The following KMT2B variants were observed in gnomAD, a reference collection of about 807,000 sequenced individuals.
KMT2B encodes lysine methyltransferase 2B.
Under a neutral mutation model 255.3 loss-of-function variants are expected in KMT2B, and 22 were observed. The observed-to-expected ratio is 0.09, with a 90% CI of 0.06 to 0.12. The LOEUF is 0.12. KMT2B is among the 10% of genes least tolerant of loss of function. The pLI, the probability that KMT2B is intolerant of heterozygous loss-of-function variation, is 1.00. For missense variants in KMT2B, 3,149 were observed against 3,737.0 expected (o/e 0.84, Z 4.10); for synonymous variants, 1,730 against 1,498.1 (o/e 1.15, Z -3.57).
chr19:35,720,834 C>G lies in KMT2B; in HGVS notation c.1487C>G (p.Thr496Ser), dbSNP rs1231872676. The G allele has an allele frequency of 6.4e-7, 1 of 1,551,980 alleles. No individual in the cohort carries two copies. The highest frequency in any genetic ancestry group is 1.9e-5 in the Admixed American group (1 of 53,002). The change falls in exon 3 of 37, where the codon ACT (threonine) becomes AGT (serine). Residue 496 changes from threonine to serine, a missense_variant. Around this residue, in one of 18 missense-constraint regions of KMT2B, gnomAD observed 1,188 missense variants for 1,106.4 expected, o/e 1.07. Coordinates refer to ENST00000420124, the MANE Select transcript of KMT2B (RefSeq NM_014727.3). ...RAGPEGTSPP[T>S]PTPSTATGGP... is the part of the protein sequence containing the mutation. Reference sequence around the variant, plus strand: ...GGGCCAGAGGGCACCTCTCCTCCCACTCCAACCCCCAGCACCGCCACGGGA... The same window carrying G: ...GGGCCAGAGGGCACCTCTCCTCCCAGTCCAACCCCCAGCACCGCCACGGGA...
At position 35,733,517 on chromosome 19, in the gene KMT2B, G is replaced by A. The variant is rs770628562; in HGVS notation, c.6959+9G>A. On this transcript the variant is annotated intron_variant, in intron 28 of 36. Coordinates refer to ENST00000420124, the MANE Select transcript of KMT2B (RefSeq NM_014727.3). The surrounding 1 kb of genome is among the most constrained non-coding windows in gnomAD (Gnocchi z 4.3). ...GGGCTTGGCAGTGGCGGGTGAGTGC[G>A]GGTGCTGAGGCTGGCAGAGCAGGCA... The A allele has an allele frequency of 1.0e-4, 163 of 1,553,134 alleles. No individual in the cohort carries two copies. The highest frequency in any genetic ancestry group is 1.4e-4 in the Non-Finnish European group (157 of 1,148,498).
chr19:35,730,514 C>T (rs1599690385), intron 24 of KMT2B, 24 bp from the exon 25 acceptor site: 1 of 1,614,046 alleles, frequency 6.2e-7, no homozygotes, highest in Non-Finnish European at 8.5e-7. Flanking sequence ...GCCTGCCTCT[C>T]CTGACCTCCG....
At position 35,721,611 on chromosome 19, in the gene KMT2B, CACCACA is replaced by C; in HGVS notation, c.2265_2270del (p.Pro758_Gln759del). On this transcript the variant is annotated inframe_deletion, in exon 3 of 37. Coordinates refer to ENST00000420124, the MANE Select transcript of KMT2B (RefSeq NM_014727.3). Reference sequence around the variant, plus strand: ...CAGCTCCTGCCCCAGGCACTACCGCCACCACAGCCACAGCTGCAGCCACCGCCGTCA... The same window carrying C: ...CAGCTCCTGCCCCAGGCACTACCGCCGCCACAGCTGCAGCCACCGCCGTCA... 6.2e-7 allele frequency: 1 copy of C among 1,608,928 alleles called. No homozygotes were observed. Among genetic ancestry groups the C allele is most frequent in the South Asian group, 1.1e-5 (1 of 91,050 alleles).
chr19:35,722,526 G>T (rs375266669), intron 4 of KMT2B, 42 bp from the exon 5 acceptor site: 2 of 1,592,086 alleles, frequency 1.3e-6, no homozygotes, highest in Non-Finnish European at 1.7e-6. Flanking sequence ...GTGGGGCTGC[G>T]GGAGCGCAAG....
rs1354324256 is a variant in KMT2B, at chr19:35,721,000, C to T, written c.1653C>T (p.Pro551=). 2 of 1,610,254 alleles carry T rather than the reference C, an allele frequency of 1.2e-6. No individual in the cohort carries two copies. Among genetic ancestry groups the T allele is most frequent in the Non-Finnish European group, 1.7e-6 (2 of 1,178,628 alleles). Residue 551 remains proline, a synonymous_variant, in exon 3 of 37, where the codon CCC becomes CCT. Transcript: ENST00000420124. ...KTPRRFMDED[P]PKPPKVEVSP... ...CCCGGCGATTTATGGATGAAGACCCCCCCAAACCCCCAAAGGTGGAGGTCT... is the reference window on the plus strand; with the variant it reads ...CCCGGCGATTTATGGATGAAGACCCTCCCAAACCCCCAAAGGTGGAGGTCT...
chr19:35,732,785 G>C lies in KMT2B; in HGVS notation c.6236G>C (p.Arg2079Pro). The change falls in exon 28 of 37, where the codon CGG becomes CCG. Residue 2079 changes from arginine (R) to proline (P), a missense_variant. Coordinates refer to ENST00000420124, the MANE Select transcript of KMT2B (RefSeq NM_014727.3). Reference sequence around the variant, plus strand: ...GAGGCTGAGGCGGTGCAGCAGCCTCGGGGCCAGGGCACGCCTCCTTCGGGG... The same window carrying C: ...GAGGCTGAGGCGGTGCAGCAGCCTCCGGGCCAGGGCACGCCTCCTTCGGGG... ...DSEAEAVQQP[R>P]GQGTPPSGPG... 6.2e-7 allele frequency: 1 copy of C among 1,607,446 alleles called. No homozygotes were observed. The highest frequency in any genetic ancestry group is 8.5e-7 in the Non-Finnish European group (1 of 1,177,696).
rs1389952141 is a variant in KMT2B at position 35,720,810 on chromosome 19, G to T, written c.1463G>T (p.Gly488Val). ...GCGGAGCGGGAAGCTGCTCGGGCAG[G>T]GCCAGAGGGCACCTCTCCTCCCACT... ...QRAEREAARA[G>V]PEGTSPPTPT... is the part of the protein sequence containing the mutation. The change falls in exon 3 of 37, where the codon GGG (glycine) becomes GTG (valine). Residue 488 changes from glycine (G) to valine (V), a missense_variant. Transcript: ENST00000420124. 1 of 1,522,512 alleles carries T rather than the reference G, an allele frequency of 6.6e-7. No individual in the cohort carries two copies. Among genetic ancestry groups the T allele is most frequent in the African/African-American group, 1.4e-5 (1 of 72,592 alleles). 94.3% of individuals were successfully genotyped at this position (1,522,512 alleles called of 1,614,324 possible).
In KMT2B at chr19:35,725,680, C is replaced by T; in HGVS notation, c.3790-43C>T. On this transcript the variant is annotated intron_variant, in intron 12 of 36. Transcript: ENST00000420124. This position sits in a 1 kb window ranked among gnomAD's most constrained non-coding sequence, Gnocchi z 4.1. ...TGGAGGCCTGAAGGTGAGGGCATCC[C>T]TGTGCCAGCAGGTTTCGCCATCTCT... 3 of 1,613,100 alleles carry T rather than the reference C, an allele frequency of 1.9e-6. No homozygotes were observed. The highest frequency in any genetic ancestry group is 2.5e-6 in the Non-Finnish European group (3 of 1,179,522).
rs748350335 is a variant in KMT2B at position 35,738,597 on chromosome 19, G to C, written c.*40G>C. 1 of 1,587,904 alleles carries C rather than the reference G, an allele frequency of 6.3e-7. No homozygotes were observed. Among genetic ancestry groups the C allele is most frequent in the Non-Finnish European group, 8.6e-7 (1 of 1,165,400 alleles). On this transcript the variant is annotated 3_prime_UTR_variant, in exon 37 of 37. Transcript: ENST00000420124. The surrounding 1 kb of genome is among the most constrained non-coding windows in gnomAD (Gnocchi z 8.7). ...ACCACGACCCCTCACACCTCCTGCT[G>C]CCGTCGCTGCCATCTTGCCCCTAGC... is the stretch of plus-strand genomic sequence containing the variant.
In KMT2B at chr19:35,718,527, G is replaced by A; in HGVS notation, c.363+146G>A. 2 of 1,008,764 alleles carry A rather than the reference G, an allele frequency of 2.0e-6. No homozygotes were observed. Among genetic ancestry groups the A allele is most frequent in the South Asian group, 5.1e-5 (1 of 19,792 alleles). 62.5% of individuals were successfully genotyped at this position (1,008,764 alleles called of 1,614,324 possible). On this transcript the variant is annotated intron_variant, in intron 1 of 36. Transcript: ENST00000420124. The surrounding 1 kb of genome is among the most constrained non-coding windows in gnomAD (Gnocchi z 5.0). Reference sequence around the variant, plus strand: ...GGGCACGGAGGGAGGGCGGCTGCATGCAGCTTCCGGGGGAAAGGGCCTCTG... The same window carrying A: ...GGGCACGGAGGGAGGGCGGCTGCATACAGCTTCCGGGGGAAAGGGCCTCTG...
chr19:35,733,078 C>G lies in KMT2B; in HGVS notation c.6529C>G (p.Leu2177Val). 1 of 1,570,136 alleles carries G rather than the reference C, an allele frequency of 6.4e-7. No individual in the cohort carries two copies. Among genetic ancestry groups the G allele is most frequent in the Non-Finnish European group, 8.6e-7 (1 of 1,157,466 alleles). ...GGCCCCAGGGGTCCGGGTGTTAAGC[C>G]TTGGCCCTGCCCCTGAGCCCCCCAA... ...PGAPGVRVLS[L>V]GPAPEPPKPA... The change falls in exon 28 of 37, where the codon CTT becomes GTT. Residue 2177 changes from leucine (L) to valine (V), a missense_variant. Physicochemically the swap from Leu to Val is conservative, Grantham distance 32. Transcript: ENST00000420124. This position sits in a 1 kb window ranked among gnomAD's most constrained non-coding sequence, Gnocchi z 4.3.
Position 35,723,211 on chromosome 19 carries a change from C to T in KMT2B, c.2939C>T (p.Ser980Phe). ...RGCLRVQDCGSCVNCLDKPKF... is the reference protein window; with the variant it reads ...RGCLRVQDCGFCVNCLDKPKF... Reference sequence around the variant, plus strand: ...TGCCTACGTGTGCAGGACTGTGGGTCCTGTGTCAACTGCCTAGACAAGCCC... The same window carrying T: ...TGCCTACGTGTGCAGGACTGTGGGTTCTGTGTCAACTGCCTAGACAAGCCC... Residue 980 changes from serine (S) to phenylalanine (F), a missense_variant, in exon 6 of 37, where the codon TCC becomes TTC. Physicochemically the swap from Ser to Phe is radical, Grantham distance 155. Coordinates refer to ENST00000420124, the MANE Select transcript of KMT2B (RefSeq NM_014727.3). The surrounding 1 kb of genome is among the most constrained non-coding windows in gnomAD (Gnocchi z 7.5). 1.2e-6 allele frequency: 2 copies of T among 1,613,374 alleles called. No homozygotes were observed. The highest frequency in any genetic ancestry group is 1.3e-5 in the African/African-American group (1 of 75,038).
intron 1 of KMT2B, 78 bp from the exon 2 acceptor site, chr19:35,719,391 T>C: frequency 1.9e-6 from 2 of 1,049,150 alleles, no homozygotes; most frequent in Non-Finnish European, 2.8e-6. Flanking sequence ...ACTGGGGATA[T>C]TCCTCGATAC....
chr19:35,721,439 C>G lies in KMT2B; in HGVS notation c.2092C>G (p.Arg698Gly). The change falls in exon 3 of 37, where the codon CGC (arginine) becomes GGC (glycine). Residue 698 changes from arginine to glycine, a missense_variant. Transcript: ENST00000420124. ...PAEPEPRAVG[R>G]TNHLSLPRFA... is the part of the protein sequence containing the mutation. ...TGAGCCTGAGCCTCGGGCAGTGGGC[C>G]GCACCAACCACCTCAGCCTGCCTCG... The G allele has an allele frequency of 1.9e-6, 3 of 1,612,350 alleles. No individual in the cohort carries two copies. The highest frequency in any genetic ancestry group is 2.5e-6 in the Non-Finnish European group (3 of 1,179,746).
At position 35,733,849 on chromosome 19, in the gene KMT2B, A is replaced by T. The variant is rs775831687; in HGVS notation, c.7136A>T (p.Glu2379Val). 5 of 1,613,330 alleles carry T rather than the reference A, an allele frequency of 3.1e-6. No homozygotes were observed. Among genetic ancestry groups the T allele is most frequent in the Non-Finnish European group, 4.2e-6 (5 of 1,179,506 alleles). Residue 2379 changes from glutamate to valine, a missense_variant, in exon 30 of 37, where the codon GAG (glutamate) becomes GTG (valine). Physicochemically the swap from Glu to Val is moderately radical, Grantham distance 121 (BLOSUM62 -2). This residue lies in a region of KMT2B where 897 missense variants were observed against 825.3 expected (regional missense o/e 1.09). Transcript: ENST00000420124. The surrounding 1 kb of genome is among the most constrained non-coding windows in gnomAD (Gnocchi z 4.3). Reference sequence around the variant, plus strand: ...GATGGTCCCCCAGACCTGCTGCTTGAGTCCCAGTGGCACCACTATTCAGGT... The same window carrying T: ...GATGGTCCCCCAGACCTGCTGCTTGTGTCCCAGTGGCACCACTATTCAGGT... ...VPDGPPDLLL[E>V]SQWHHYSGEA...
intron 26 of KMT2B, 94 bp downstream of exon 26, chr19:35,730,961 G>T: frequency 8.7e-6 from 12 of 1,379,738 alleles, no homozygotes; most frequent in Non-Finnish European, 1.2e-5. Context: ...AAGTCCAGGA[G>T]GCTTGCTTTT....
rs1414394838 is a variant in KMT2B, at chr19:35,725,643, G to A, written c.3789+18G>A. On this transcript the variant is annotated intron_variant, in intron 12 of 36. Transcript: ENST00000420124. This position sits in a 1 kb window ranked among gnomAD's most constrained non-coding sequence, Gnocchi z 4.1. The stretch of plus-strand genomic sequence containing the variant: ...GATCCAAGGTTTGGGCCCAAGGGCT[G>A]GCCAGGGTGGGTGGAGGCCTGAAGG... 3 of 1,612,262 alleles carry A rather than the reference G, an allele frequency of 1.9e-6. No homozygotes were observed. Among genetic ancestry groups the A allele is most frequent in the Non-Finnish European group, 2.5e-6 (3 of 1,179,748 alleles).
In KMT2B at chr19:35,727,342, G is replaced by A. The variant is rs1969498124; in HGVS notation, c.4117+73G>A. 1 of 1,570,344 alleles carries A rather than the reference G, an allele frequency of 6.4e-7. No homozygotes were observed. The highest frequency in any genetic ancestry group is 1.1e-5 in the South Asian group (1 of 90,150). The stretch of plus-strand genomic sequence containing the variant: ...CCTGCCCCCACCACAGGCCCCAAGA[G>A]GACTGGTGGGCTAAGGGTCCTTGCT... On this transcript the variant is annotated intron_variant, in intron 15 of 36. Coordinates refer to ENST00000420124, the MANE Select transcript of KMT2B (RefSeq NM_014727.3). This position sits in a 1 kb window ranked among gnomAD's most constrained non-coding sequence, Gnocchi z 4.2.
rs199585947 is a variant in KMT2B at position 35,733,776 on chromosome 19, C to T, written c.7063C>T (p.Arg2355Trp). 2.9e-4 allele frequency: 468 copies of T among 1,613,330 alleles called. 1 individual carries two copies. In the African/African-American group the frequency reaches 5.6e-3, roughly 19 times the overall value. ...CTCTTCTCGCAGGCCCCTCCAGGAA[C>T]GGTCCCCTTTGCTGCCACTTCCGGA... is the stretch of plus-strand genomic sequence containing the variant. ...GEESPGPLQE[R>W]SPLLPLPEDG... Residue 2355 changes from arginine (R) to tryptophan (W), a missense_variant, in exon 30 of 37, where the codon CGG becomes TGG. This residue lies in a region of KMT2B where 897 missense variants were observed against 825.3 expected (regional missense o/e 1.09). Transcript: ENST00000420124. This position sits in a 1 kb window ranked among gnomAD's most constrained non-coding sequence, Gnocchi z 4.3.
Sources: gnomAD v4.1 joint callset for allele counts on GRCh38, gnomAD v4.1.1 for gene constraint, gnomAD v4.1.1 regional missense constraint, Gnocchi (gnomAD v3.1) non-coding constraint, MANE v1.5 for transcripts, NCBI Gene and HGNC (gene_info 2026-07-23, HGNC 2026-07-21) for gene names.